Variants in CLVS2 observed in about 807,000 individuals in gnomAD.
CLVS2 encodes the protein clavesin 2, also known as clavesin-2.
Under a neutral mutation model 29.0 loss-of-function variants are expected in CLVS2, and 19 were observed. That is an observed-to-expected ratio of 0.66 (90% CI 0.46 to 0.96). The LOEUF (loss-of-function observed/expected upper bound fraction) is 0.96, where lower values mean the gene tolerates loss of function less well. Ranked by LOEUF, CLVS2 falls within the 40% of genes least tolerant of loss-of-function variation. The pLI, the probability that CLVS2 is intolerant of heterozygous loss-of-function variation, is 0.00. For missense variants in CLVS2, 294 were observed against 404.1 expected (o/e 0.73, Z 2.34); for synonymous variants, 161 against 151.3 (o/e 1.06, Z -0.47).
chr6:123,044,162 T>C (rs995184389), intron 3 of CLVS2, among the ~76,000 whole-genome samples: 1 of 152,174 alleles, frequency 6.6e-6, no homozygotes, highest in Non-Finnish European at 1.5e-5. Context: ...TTTCAACCCA[T>C]CTTGGCTGCA....
intron 3 of CLVS2, among the ~76,000 whole-genome samples, chr6:123,029,294 G>A (rs1293276739): frequency 2.6e-5 from 4 of 152,252 alleles, no homozygotes; most frequent in Non-Finnish European, 5.9e-5. Context: ...AAAAGCTAAA[G>A]GCTGTGTTAA....
chr6:123,063,121 G>A (rs1010471009), intron 5 of CLVS2, among the ~76,000 whole-genome samples: 22 of 152,042 alleles, frequency 1.4e-4, no homozygotes, highest in African/African-American at 5.3e-4. Flanking sequence ...ATTTTATTTG[G>A]ATATTCTACT....
At chr6:123,061,272 G>C (rs1307869872) in intron 5 of CLVS2, among the ~76,000 whole-genome samples, 1 of 151,996 alleles carries the variant, frequency 6.6e-6, no homozygotes, top group Non-Finnish European at 1.5e-5. Context: ...ACTCCAGCCT[G>C]GGTGACACAG....
chr6:123,042,403 TC>T (rs1775246832), intron 3 of CLVS2, among the ~76,000 whole-genome samples: 1 of 152,188 alleles, frequency 6.6e-6, no homozygotes, highest in Admixed American at 6.5e-5. Context: ...TCTACACAAT[TC>T]CTTGCATCTA....
At chr6:123,058,301 G>C (rs1772724683) in intron 5 of CLVS2, among the ~76,000 whole-genome samples, 1 of 152,092 alleles carries the variant, frequency 6.6e-6, no homozygotes, top group Admixed American at 6.5e-5. Context: ...CCTACCCTTC[G>C]TGGCACAGAG....
chr6:123,056,982 T>C (rs1029902388), intron 5 of CLVS2, among the ~76,000 whole-genome samples: 2 of 152,186 alleles, frequency 1.3e-5, no homozygotes, highest in Non-Finnish European at 2.9e-5. Flanking sequence ...CCTTTTATCT[T>C]TCAATCAATA....
intron 2 of CLVS2, among the ~76,000 whole-genome samples, chr6:123,000,386 A>T (rs1477048569): frequency 6.6e-6 from 1 of 152,172 alleles, no homozygotes; most frequent in East Asian, 1.9e-4. Context: ...GACAGGGACT[A>T]GTAGACAAAC....
chr6:123,047,951 G>T (rs1005967265), intron 3 of CLVS2, among the ~76,000 whole-genome samples: 15 of 152,248 alleles, frequency 9.9e-5, no homozygotes, highest in Non-Finnish European at 2.2e-4. Flanking sequence ...GGAAGAGGAG[G>T]AGGCTGGCTT....
rs539811212 is a variant in CLVS2 at position 123,067,883 on chromosome 6, A to G, written c.*4122A>G. 5 of 151,716 alleles carry G rather than the reference A, an allele frequency of 3.3e-5. No individual in the cohort carries two copies. Among genetic ancestry groups the G allele is most frequent in the Non-Finnish European group, 5.9e-5 (4 of 67,710 alleles). The allele number at this position is 151,716 out of a possible 1,614,324, so 9.4% of individuals were successfully genotyped here. On this transcript the variant is annotated 3_prime_UTR_variant, in exon 6 of 6. Coordinates refer to ENST00000275162, the MANE Select transcript of CLVS2 (RefSeq NM_001010852.4). Reference sequence around the variant, plus strand: ...TTTGTCTTTGGTTTTAGTTGAAAAAATAGCTTCCCATATGCTACTGGAACT... The same window carrying G: ...TTTGTCTTTGGTTTTAGTTGAAAAAGTAGCTTCCCATATGCTACTGGAACT...
At chr6:123,010,720 A>G (rs1187912262) in intron 2 of CLVS2, among the ~76,000 whole-genome samples, 1 of 152,090 alleles carries the variant, frequency 6.6e-6, no homozygotes, top group African/African-American at 2.4e-5. Flanking sequence ...TTAGAAAATC[A>G]AAAGAAGGCC....
intron 2 of CLVS2, among the ~76,000 whole-genome samples, chr6:123,004,360 A>G (rs1286223533): frequency 6.6e-6 from 1 of 152,202 alleles, no homozygotes; most frequent in Non-Finnish European, 1.5e-5. Flanking sequence ...TCACTCACCT[A>G]CATTCCCACA....
At chr6:123,033,754 T>C (rs890177299) in intron 3 of CLVS2, among the ~76,000 whole-genome samples, 1 of 152,016 alleles carries the variant, frequency 6.6e-6, no homozygotes, top group Non-Finnish European at 1.5e-5. Flanking sequence ...CTGTGAAACA[T>C]CCTGTTAAAA....
intron 2 of CLVS2, among the ~76,000 whole-genome samples, chr6:123,002,327 G>A (rs1774601351): frequency 6.6e-6 from 1 of 152,112 alleles, no homozygotes; most frequent in African/African-American, 2.4e-5. Flanking sequence ...ACTTATCCTG[G>A]AATTTGCCCA....
At chr6:123,056,583 C>G (rs1772696914) in intron 5 of CLVS2, among the ~76,000 whole-genome samples, 1 of 152,132 alleles carries the variant, frequency 6.6e-6, no homozygotes, top group Admixed American at 6.6e-5. Flanking sequence ...TCCAAATTCA[C>G]AGACAGTCTA....
intron 2 of CLVS2, among the ~76,000 whole-genome samples, chr6:123,002,586 T>TAATAAAATAA (rs150606484): frequency 0.12 from 17,819 of 144,128 alleles, 1,940 homozygotes; most frequent in African/African-American, 0.29. Flanking sequence ...GTACTAAAAA[T>TAATAAAATAA]AATAAAATAA....
At position 123,026,273 on chromosome 6, in the gene CLVS2, GGT is replaced by G. The variant is rs1178708519; in HGVS notation, c.564+15116_564+15117del. On this transcript the variant is annotated intron_variant, in intron 3 of 5. Transcript: ENST00000275162. ...GCTTATATGATACTAATAGGACTAT[GGT>G]GAAATTTTCTTTTTTATTTTCTGCA... Among the ~76,000 whole-genome samples, 3 of 151,938 alleles carry G rather than the reference GGT, an allele frequency of 2.0e-5. No homozygotes were observed. In the East Asian group the frequency reaches 5.8e-4, roughly 29 times the overall value.
At chr6:123,030,196 A>C (rs555414116) in intron 3 of CLVS2, among the ~76,000 whole-genome samples, 75 of 152,272 alleles carry the variant, frequency 4.9e-4, no homozygotes, top group African/African-American at 1.7e-3. Flanking sequence ...GCTGTTAATA[A>C]AAGTGTGTAA....
At chr6:123,006,488 C>T (rs1430811490) in intron 2 of CLVS2, among the ~76,000 whole-genome samples, 2 of 151,914 alleles carry the variant, frequency 1.3e-5, no homozygotes, top group Non-Finnish European at 2.9e-5. Context: ...GAAAAAGAGA[C>T]ACAAGTGCCA....
intron 2 of CLVS2, among the ~76,000 whole-genome samples, chr6:123,006,705 A>G (rs1375287834): frequency 6.6e-6 from 1 of 152,204 alleles, no homozygotes; most frequent in Non-Finnish European, 1.5e-5. Context: ...TTACACTAAT[A>G]TATGTCAGGT....
Sources: allele counts gnomAD v4.1 joint callset (sites outside exome capture counted in the v4.1 genomes callset), GRCh38; gene constraint gnomAD v4.1.1; transcripts MANE v1.5; gene names NCBI Gene and HGNC (gene_info 2026-07-23, HGNC 2026-07-21).